The following TJP1 variants were observed in gnomAD, a reference collection of about 807,000 sequenced individuals.
TJP1 encodes tight junction protein 1.
TJP1 carries 43 observed loss-of-function variants against 194.2 expected under a neutral mutation model. The observed-to-expected ratio is 0.22, with a 90% CI of 0.17 to 0.29. TJP1 has a LOEUF of 0.29. Ranked by LOEUF, TJP1 falls within the 10% of genes least tolerant of loss-of-function variation. The pLI is 1.00. For missense variants in TJP1, 1,971 were observed against 2,185.7 expected (o/e 0.90, Z 1.96); for synonymous variants, 801 against 779.0 (o/e 1.03, Z -0.47).
chr15:29,728,344 A>G (rs2043374834), intron 15 of TJP1: 1 of 225,880 alleles, frequency 4.4e-6, no homozygotes, highest in Non-Finnish European at 8.8e-6. Context: ...TCACACTGTA[A>G]CATCCAGAGA....
At chr15:29,820,143 T>C (rs2050223768) in intron 1 of TJP1, among the ~76,000 whole-genome samples, 1 of 149,560 alleles carries the variant, frequency 6.7e-6, no homozygotes, top group Non-Finnish European at 1.5e-5. Context: ...ACAGCGAGCT[T>C]CCAAATTAAT....
Position 29,741,433 on chromosome 15 carries a change from G to T in TJP1, c.1154C>A (p.Pro385Gln). ...CCCAACTTGGGCATACACAGGCTTT[G>T]GTTCTAAGAAAAAAAAAATTGAGTA... The part of the protein sequence containing the change: ...NEKQTPSLPE[P>Q]KPVYAQVGQP... Residue 385 changes from proline (P) to glutamine (Q), a missense_variant, in exon 10 of 28, where the codon CCA becomes CAA. Pro to Gln is a moderately conservative substitution (Grantham distance 76). Transcript: ENST00000614355. 1.2e-6 allele frequency: 2 copies of T among 1,603,814 alleles called. No individual in the cohort carries two copies. The highest frequency in any genetic ancestry group is 1.7e-6 in the Non-Finnish European group (2 of 1,175,772).
intron 6 of TJP1, 126 bp downstream of exon 6, chr15:29,762,209 T>C: frequency 1.5e-6 from 1 of 681,178 alleles, no homozygotes; most frequent in Non-Finnish European, 2.4e-6. Flanking sequence ...TTTATATCCC[T>C]CTCCCCCAAA....
intron 1 of TJP1, among the ~76,000 whole-genome samples, chr15:29,803,211 T>C (rs757092226): frequency 1.3e-5 from 2 of 152,192 alleles, no homozygotes; most frequent in Non-Finnish European, 2.9e-5. Context: ...ACTGGCAATG[T>C]ATTTTAAACT....
chr15:29,952,484 C>T (rs764554157), intron 2 of TJP1, among the ~76,000 whole-genome samples: 4 of 152,000 alleles, frequency 2.6e-5, no homozygotes, highest in Non-Finnish European at 4.4e-5. Flanking sequence ...TGATGATGCC[C>T]GGGACCAAAG....
At chr15:29,763,589 A>G (rs2046142700) in intron 5 of TJP1, among the ~76,000 whole-genome samples, 1 of 151,856 alleles carries the variant, frequency 6.6e-6, no homozygotes, top group Non-Finnish European at 1.5e-5. Context: ...CTAGCATGGT[A>G]AAACCGTCTC....
At chr15:29,704,430 C>A in intron 26 of TJP1, 125 bp from the exon 27 acceptor site, 1 of 1,108,546 alleles carries the variant, frequency 9.0e-7, no homozygotes, top group Non-Finnish European at 1.2e-6. Context: ...TCTACAGTCG[C>A]ACTGACCACA....
intron 2 of TJP1, among the ~76,000 whole-genome samples, chr15:29,945,843 T>C (rs1184336239): frequency 1.3e-5 from 2 of 152,114 alleles, no homozygotes; most frequent in African/African-American, 2.4e-5. Context: ...ATAATGTATA[T>C]GTGCTTGCAT....
intron 2 of TJP1, among the ~76,000 whole-genome samples, chr15:29,885,515 T>C (rs1048262513): frequency 6.6e-6 from 1 of 152,250 alleles, no homozygotes; most frequent in Non-Finnish European, 1.5e-5. Context: ...GCTTGGGCTA[T>C]GGCCATGCCA....
At chr15:29,913,598 G>C (rs971957834) in intron 2 of TJP1, among the ~76,000 whole-genome samples, 1 of 152,156 alleles carries the variant, frequency 6.6e-6, no homozygotes, top group African/African-American at 2.4e-5. Flanking sequence ...AGTTAAGTTT[G>C]CAGTGAGCAG....
intron 2 of TJP1, among the ~76,000 whole-genome samples, chr15:29,941,569 TC>T (rs558760204): frequency 6.6e-6 from 1 of 151,810 alleles, no homozygotes; most frequent in Non-Finnish European, 1.5e-5. Flanking sequence ...CCATCTCCGG[TC>T]CCCCCTCTGC....
chr15:29,769,434 T>C (rs968047539), intron 4 of TJP1, among the ~76,000 whole-genome samples: 7 of 152,236 alleles, frequency 4.6e-5, no homozygotes, highest in Non-Finnish European at 1.0e-4. Flanking sequence ...AAGTCACTCC[T>C]AGAAAATTAT....
chr15:29,875,332 G>A (rs572703478), intron 2 of TJP1, among the ~76,000 whole-genome samples: 1 of 152,272 alleles, frequency 6.6e-6, no homozygotes, highest in Non-Finnish European at 1.5e-5. Context: ...TACTGACCTT[G>A]TTTTCATTGG....
At chr15:29,741,511 T>C (rs2044417910) in intron 9 of TJP1, 75 bp from the exon 10 acceptor site, 3 of 966,812 alleles carry the variant, frequency 3.1e-6, no homozygotes, top group African/African-American at 1.6e-5. Flanking sequence ...AAGCAATATA[T>C]GATTCATAAG....
intron 2 of TJP1, among the ~76,000 whole-genome samples, chr15:29,784,654 T>A (rs779321774): frequency 6.6e-6 from 1 of 152,038 alleles, no homozygotes; most frequent in Non-Finnish European, 1.5e-5. Context: ...AAAACACAAA[T>A]AAACCAGTCA....
intron 2 of TJP1, among the ~76,000 whole-genome samples, chr15:29,948,705 C>T (rs1052816296): frequency 1.3e-5 from 2 of 152,070 alleles, no homozygotes; most frequent in African/African-American, 4.8e-5. Flanking sequence ...TGGAACCAGA[C>T]CCACAGGATT....
chr15:29,885,859 G>A (rs2053098615), intron 2 of TJP1, among the ~76,000 whole-genome samples: 1 of 152,044 alleles, frequency 6.6e-6, no homozygotes, highest in African/African-American at 2.4e-5. Context: ...GCATCATGTC[G>A]CCCCATCTGT....
chr15:29,872,097 G>T (rs1180941399), intron 2 of TJP1, among the ~76,000 whole-genome samples: 1 of 152,170 alleles, frequency 6.6e-6, no homozygotes, highest in Non-Finnish European at 1.5e-5. Flanking sequence ...GGGACACAAT[G>T]GTGACTGCAG....
chr15:29,846,767 T>C (rs1003340253), intron 2 of TJP1, among the ~76,000 whole-genome samples: 1 of 151,756 alleles, frequency 6.6e-6, no homozygotes, highest in Non-Finnish European at 1.5e-5. Context: ...CTACTAAAAA[T>C]ACAAAAAAGT....
Sources: gnomAD v4.1 joint callset for allele counts (sites outside exome capture counted in the v4.1 genomes callset) on GRCh38, gnomAD v4.1.1 for gene constraint, MANE v1.5 for transcripts, NCBI Gene and HGNC (gene_info 2026-07-23, HGNC 2026-07-21) for gene names.